Variants in MFAP1 observed in about 807,000 individuals in gnomAD.
The protein encoded by MFAP1 is microfibrillar-associated protein 1.
Under a neutral mutation model 62.2 loss-of-function variants are expected in MFAP1, and 18 were observed. The observed-to-expected ratio is 0.29, with a 90% CI of 0.20 to 0.43. The LOEUF (loss-of-function observed/expected upper bound fraction) is 0.43. Among genes scored for constraint, MFAP1 ranks in the 20% least tolerant of loss-of-function variants. The pLI, the probability that MFAP1 is intolerant of heterozygous loss-of-function variation, is 1.00. For synonymous variants in MFAP1, 175 were observed against 180.4 expected (o/e 0.97, Z 0.24); for missense variants, 355 against 559.7 (o/e 0.63, Z 3.69).
intron 1 of MFAP1, among the ~76,000 whole-genome samples, chr15:43,824,079 T>C (rs2087483726): frequency 6.6e-6 from 1 of 151,454 alleles, no homozygotes; most frequent in South Asian, 2.1e-4. Flanking sequence ...TCCTAAGTAA[T>C]TACACTAATA....
chr15:43,822,857 A>G (rs2087474936), intron 1 of MFAP1, among the ~76,000 whole-genome samples: 1 of 151,466 alleles, frequency 6.6e-6, no homozygotes, highest in Non-Finnish European at 1.5e-5. Context: ...ATTATTTTTG[A>G]GACGAAGTCT....
rs2087440400 is a variant in MFAP1 at position 43,817,450 on chromosome 15, TG to T, written c.80-3del. The stretch of plus-strand genomic sequence containing the variant: ...TCACTTTTTCCATTGAAATCTCACC[TG>T]GGCGAGAAAGGTAACTTATGTTTCA... On this transcript the variant is annotated splice_region_variant and splice_polypyrimidine_tract_variant and intron_variant, in intron 1 of 8. Coordinates refer to ENST00000267812, the MANE Select transcript of MFAP1 (RefSeq NM_005926.3). 3 of 1,613,992 alleles carry T rather than the reference TG, an allele frequency of 1.9e-6. No homozygotes were observed. The highest frequency in any genetic ancestry group is 2.5e-6 in the Non-Finnish European group (3 of 1,180,004).
At chr15:43,823,030 T>G (rs2087476221) in intron 1 of MFAP1, among the ~76,000 whole-genome samples, 2 of 151,398 alleles carry the variant, frequency 1.3e-5, no homozygotes, top group African/African-American at 4.9e-5. Context: ...GTAGAGACGG[T>G]TTCACCACGT....
chr15:43,821,617 T>C (rs2087467503), intron 1 of MFAP1, among the ~76,000 whole-genome samples: 2 of 152,200 alleles, frequency 1.3e-5, no homozygotes, highest in South Asian at 2.1e-4. Flanking sequence ...GAAGGGACAA[T>C]TGGCCAACCA....
Position 43,809,852 on chromosome 15 carries a change from G to T in MFAP1, c.950C>A (p.Ala317Asp). The T allele has an allele frequency of 6.2e-7, 1 of 1,614,120 alleles. No homozygotes were observed. Among genetic ancestry groups the T allele is most frequent in the Non-Finnish European group, 8.5e-7 (1 of 1,180,034 alleles). Residue 317 changes from alanine (A) to aspartate (D), a missense_variant, in exon 7 of 9, where the codon GCT becomes GAT. This residue lies in a region of MFAP1 where 257 missense variants were observed against 341.3 expected (regional missense o/e 0.75). Coordinates refer to ENST00000267812, the MANE Select transcript of MFAP1 (RefSeq NM_005926.3). Reference sequence around the variant, plus strand: ...GACTTTGCCGTTTGCCCGAAGTTCAGCTCTCCTCTCTTCCTCAGTCAGGTT... The same window carrying T: ...GACTTTGCCGTTTGCCCGAAGTTCATCTCTCCTCTCTTCCTCAGTCAGGTT... The part of the protein sequence containing the change: ...MRNLTEEERR[A>D]ELRANGKVIT...
chr15:43,813,863 A>G (rs2930527), intron 4 of MFAP1, among the ~76,000 whole-genome samples: 148,728 of 152,240 alleles, frequency 0.98, 72,735 homozygotes, highest in East Asian at 1. Context: ...AGAACTGCCT[A>G]GACAGCAAAG....
At chr15:43,810,028 G>T in intron 6 of MFAP1, 114 bp from the exon 7 acceptor site, 3 of 1,248,944 alleles carry the variant, frequency 2.4e-6, no homozygotes, top group Non-Finnish European at 3.4e-6. Context: ...TTTAATTCTA[G>T]TCATTGCCTA....
rs764838543 is a variant in MFAP1, at chr15:43,814,563, A to G, written c.555T>C (p.Tyr185=). The G allele has an allele frequency of 1.9e-6, 3 of 1,614,182 alleles. No individual in the cohort carries two copies. The South Asian group carries it at 3.3e-5, about 18-fold the overall frequency. The stretch of plus-strand genomic sequence containing the variant: ...CATCTTCACTGTCTGTGTACTCTTC[A>G]TACTCAGACTCTGATTCTGACTCCT... ...SGEESESESE[Y]EEYTDSEDEM... Residue 185 remains tyrosine, a synonymous_variant, in exon 4 of 9, where the codon TAT becomes TAC. Coordinates refer to ENST00000267812, the MANE Select transcript of MFAP1 (RefSeq NM_005926.3).
At position 43,813,300 on chromosome 15, in the gene MFAP1, C is replaced by A. The variant is rs1486227471; in HGVS notation, c.675G>T (p.Leu225=). The stretch of plus-strand genomic sequence containing the variant: ...CAGCCATGCGTTTTGCTTCCTGCTC[C>A]AGCTCCTTCTGTTTCAATGCTTCGG... The part of the protein sequence containing the change: ...REAEALKQKE[L]EQEAKRMAEE... The change falls in exon 5 of 9, where the codon CTG becomes CTT. Residue 225 remains leucine (L), a synonymous_variant. Coordinates refer to ENST00000267812, the MANE Select transcript of MFAP1 (RefSeq NM_005926.3). 1.2e-6 allele frequency: 2 copies of A among 1,612,392 alleles called. No homozygotes were observed. Among genetic ancestry groups the A allele is most frequent in the African/African-American group, 2.7e-5 (2 of 74,698 alleles).
intron 6 of MFAP1, among the ~76,000 whole-genome samples, chr15:43,811,141 G>GT (rs1166279392): frequency 6.6e-6 from 1 of 150,942 alleles, no homozygotes; most frequent in Non-Finnish European, 1.5e-5. Flanking sequence ...AGGGCCAGGC[G>GT]TGGTGGCTCA....
At chr15:43,821,440 C>T (rs1262302382) in intron 1 of MFAP1, among the ~76,000 whole-genome samples, 4 of 147,582 alleles carry the variant, frequency 2.7e-5, no homozygotes, top group Non-Finnish European at 4.5e-5. Context: ...AAGAATAAAG[C>T]TGATGGGGGC....
Position 43,817,182 on chromosome 15 carries a change from T to C in MFAP1, c.299+47A>G, listed in dbSNP as rs376162441. On this transcript the variant is annotated intron_variant, in intron 2 of 8. Coordinates refer to ENST00000267812, the MANE Select transcript of MFAP1 (RefSeq NM_005926.3). ...AAGTATTAGCTATTATTATTATTATTAAGCTGTAGAGGTTCATGTTCAAGT... is the reference window on the plus strand; with the variant it reads ...AAGTATTAGCTATTATTATTATTATCAAGCTGTAGAGGTTCATGTTCAAGT... The C allele has an allele frequency of 3.3e-6, 5 of 1,508,754 alleles. No homozygotes were observed. In the African/African-American group the frequency reaches 4.2e-5, roughly 13 times the overall value. The allele number at this position is 1,508,754 out of a possible 1,614,324, so 93.5% of individuals were successfully genotyped here.
chr15:43,808,654 C>T (rs1284234736), intron 7 of MFAP1, among the ~76,000 whole-genome samples: 2 of 152,230 alleles, frequency 1.3e-5, no homozygotes, highest in African/African-American at 4.8e-5. Flanking sequence ...GAATAGTAAG[C>T]TACATCTGCT....
chr15:43,824,475 G>A lies in MFAP1; in HGVS notation c.79+16C>T. 6.2e-7 allele frequency: 1 copy of A among 1,613,352 alleles called. No homozygotes were observed. The highest frequency in any genetic ancestry group is 8.5e-7 in the Non-Finnish European group (1 of 1,179,596). On this transcript the variant is annotated intron_variant, in intron 1 of 8. Coordinates refer to ENST00000267812, the MANE Select transcript of MFAP1 (RefSeq NM_005926.3). Reference sequence around the variant, plus strand: ...GGGGTTAAAATTCGACTGGGAAGAGGGTGTTAGCACCGTACCTTTCTCATT... The same window carrying A: ...GGGGTTAAAATTCGACTGGGAAGAGAGTGTTAGCACCGTACCTTTCTCATT...
At chr15:43,809,032 A>G (rs1234347880) in intron 7 of MFAP1, among the ~76,000 whole-genome samples, 1 of 152,192 alleles carries the variant, frequency 6.6e-6, no homozygotes, top group African/African-American at 2.4e-5. Flanking sequence ...ACTTTCTGCC[A>G]CCCAAAAGTG....
intron 1 of MFAP1, among the ~76,000 whole-genome samples, chr15:43,818,276 C>T (rs1454800939): frequency 2.0e-5 from 3 of 152,068 alleles, no homozygotes; most frequent in Non-Finnish European, 4.4e-5. Flanking sequence ...ACCTCAGCCT[C>T]CCAAAGTGCT....
At chr15:43,819,245 A>G (rs2087452944) in intron 1 of MFAP1, among the ~76,000 whole-genome samples, 1 of 152,120 alleles carries the variant, frequency 6.6e-6, no homozygotes, top group African/African-American at 2.4e-5. Flanking sequence ...ACATAGATAG[A>G]TAGATGAACA....
At chr15:43,808,622 G>A (rs932240550) in intron 7 of MFAP1, among the ~76,000 whole-genome samples, 1 of 152,236 alleles carries the variant, frequency 6.6e-6, no homozygotes, top group Non-Finnish European at 1.5e-5. Context: ...AGCAGTACAA[G>A]AAGTAGTTCA....
intron 2 of MFAP1, 110 bp from the exon 3 acceptor site, chr15:43,815,184 GT>G (rs376034405): frequency 0.013 from 14,941 of 1,169,854 alleles, no homozygotes; most frequent in East Asian, 0.014. Context: ...TAATACTGAA[GT>G]TTTTTTTTTT....
Sources: gnomAD v4.1 joint callset for allele counts (sites outside exome capture counted in the v4.1 genomes callset) on GRCh38, gnomAD v4.1.1 for gene constraint, gnomAD v4.1.1 regional missense constraint, MANE v1.5 for transcripts, NCBI Gene and HGNC (gene_info 2026-07-23, HGNC 2026-07-21) for gene names.